The following KDM4C variants were observed in gnomAD, a reference collection of about 807,000 sequenced individuals.
KDM4C encodes lysine-specific demethylase 4C.
A neutral mutation model predicts 129.3 loss-of-function variants in KDM4C; 81 were observed. The ratio of observed to expected loss-of-function variants is 0.63; its 90% confidence interval spans 0.52 to 0.75. The LOEUF (loss-of-function observed/expected upper bound fraction) is 0.75. KDM4C is among the 30% of genes least tolerant of loss of function. The pLI, the probability that KDM4C is intolerant of heterozygous loss-of-function variation, is 0.00. For synonymous variants in KDM4C, 573 were observed against 456.1 expected, an observed-to-expected ratio of 1.26 and a Z score of -3.26; for missense variants, 1,457 against 1,304.0, an observed-to-expected ratio of 1.12 and a Z score of -1.81.
chr9:6,794,475 G>A (rs1827342693), intron 2 of KDM4C, among the ~76,000 whole-genome samples: 1 of 152,278 alleles, frequency 6.6e-6, no homozygotes, highest in Non-Finnish European at 1.5e-5. Context: ...GCTTAAAGTG[G>A]GAGAGGAAGA....
chr9:7,118,679 G>A (rs1442607429), intron 18 of KDM4C, among the ~76,000 whole-genome samples: 1 of 152,178 alleles, frequency 6.6e-6, no homozygotes, highest in Non-Finnish European at 1.5e-5. Flanking sequence ...TCTTTGGCCT[G>A]TACGTCGGCT....
chr9:7,089,611 G>A (rs138451620), intron 17 of KDM4C, among the ~76,000 whole-genome samples: 84 of 151,770 alleles, frequency 5.5e-4, no homozygotes, highest in African/African-American at 2.0e-3. Flanking sequence ...AATCATCTCT[G>A]GTTAAAAGTG....
chr9:6,897,997 G>T (rs984235622), intron 8 of KDM4C, among the ~76,000 whole-genome samples: 1 of 152,120 alleles, frequency 6.6e-6, no homozygotes, highest in Non-Finnish European at 1.5e-5. Context: ...AGCTGCTGCC[G>T]TGACACTCAC....
chr9:7,156,733 C>T, intron 19 of KDM4C, among the ~76,000 whole-genome samples: 1 of 152,150 alleles, frequency 6.6e-6, no homozygotes, highest in Non-Finnish European at 1.5e-5. Flanking sequence ...GGTACCAGTA[C>T]CATGCTGTTT....
At chr9:6,921,229 C>T (rs185332228) in intron 8 of KDM4C, among the ~76,000 whole-genome samples, 1 of 152,208 alleles carries the variant, frequency 6.6e-6, no homozygotes, top group African/African-American at 2.4e-5. Flanking sequence ...TATCTGTATG[C>T]TGATTACTAA....
chr9:6,744,289 GCTGAGACGGGCAGA>G (rs1157991272), intron 1 of KDM4C, among the ~76,000 whole-genome samples: 7 of 152,136 alleles, frequency 4.6e-5, no homozygotes, highest in South Asian at 2.1e-4. Flanking sequence ...ACTTTGGGAG[GCTGAGACGGGCAGA>G]TCACGAGGTT....
rs369073989 is a variant in KDM4C at position 6,809,181 on chromosome 9, C to T, written c.320+3407C>T. ...ATTTTATATTTGATATAATTTGAATCATTTCTTTTGAATTTTTTGGGTTGG... is the reference window on the plus strand; with the variant it reads ...ATTTTATATTTGATATAATTTGAATTATTTCTTTTGAATTTTTTGGGTTGG... On this transcript the variant is annotated intron_variant, in intron 3 of 21. Coordinates refer to ENST00000381309, the MANE Select transcript of KDM4C (RefSeq NM_015061.6). Among the ~76,000 whole-genome samples, 24 of 152,258 alleles carry T rather than the reference C, an allele frequency of 1.6e-4. No homozygotes were observed. The East Asian group carries it at 4.6e-3, about 29-fold the overall frequency.
chr9:6,870,190 A>T (rs1000137819), intron 5 of KDM4C, among the ~76,000 whole-genome samples: 1 of 152,130 alleles, frequency 6.6e-6, no homozygotes, highest in African/African-American at 2.4e-5. Context: ...CAACCACTTC[A>T]GGTAGTGGTT....
At chr9:7,034,445 G>A (rs1005231543) in intron 15 of KDM4C, among the ~76,000 whole-genome samples, 1 of 152,174 alleles carries the variant, frequency 6.6e-6, no homozygotes, top group Admixed American at 6.5e-5. Context: ...ATATGAGTGA[G>A]AATGTGCAGT....
chr9:6,855,292 G>A (rs1033670099), intron 5 of KDM4C, among the ~76,000 whole-genome samples: 1 of 151,660 alleles, frequency 6.6e-6, no homozygotes, highest in African/African-American at 2.4e-5. Flanking sequence ...AACCGCATCT[G>A]TACTAAAAAT....
At chr9:7,170,557 A>G (rs1587980653) in intron 21 of KDM4C, 1 of 957,076 alleles carries the variant, frequency 1.0e-6, no homozygotes, top group Middle Eastern at 5.4e-4. Context: ...ACAATAATTT[A>G]GACTTCATAT....
chr9:7,034,788 C>G (rs1229843996), intron 15 of KDM4C, among the ~76,000 whole-genome samples: 1 of 152,134 alleles, frequency 6.6e-6, no homozygotes, highest in East Asian at 1.9e-4. Context: ...GTTTACATTC[C>G]CACCAACAGT....
intron 10 of KDM4C, among the ~76,000 whole-genome samples, chr9:6,984,858 A>C (rs1313989465): frequency 6.6e-6 from 1 of 152,242 alleles, no homozygotes; most frequent in Non-Finnish European, 1.5e-5. Flanking sequence ...TGACATGTAT[A>C]GTCCCCTTGC....
At chr9:6,889,455 G>C (rs538065124) in intron 7 of KDM4C, among the ~76,000 whole-genome samples, 2 of 152,038 alleles carry the variant, frequency 1.3e-5, no homozygotes, top group South Asian at 2.1e-4. Context: ...GATGTGCACC[G>C]TGGGGGCTGC....
intron 17 of KDM4C, among the ~76,000 whole-genome samples, chr9:7,053,351 G>T (rs1830468834): frequency 6.6e-6 from 1 of 152,180 alleles, no homozygotes; most frequent in African/African-American, 2.4e-5. Context: ...GCGGATACAG[G>T]AAAGGATTTG....
chr9:6,958,063 G>T (rs113015735), intron 8 of KDM4C, among the ~76,000 whole-genome samples: 8 of 148,512 alleles, frequency 5.4e-5, no homozygotes, highest in African/African-American at 2.0e-4. Flanking sequence ...TAACAACTGA[G>T]GGTTTGCTTC....
At chr9:7,148,400 C>T (rs1189498750) in intron 19 of KDM4C, among the ~76,000 whole-genome samples, 1 of 152,232 alleles carries the variant, frequency 6.6e-6, no homozygotes, top group East Asian at 1.9e-4. Context: ...GCTTGCAGCT[C>T]ATGGGCTGGC....
At chr9:6,985,316 G>C (rs984730372) in intron 10 of KDM4C, among the ~76,000 whole-genome samples, 1 of 152,166 alleles carries the variant, frequency 6.6e-6, no homozygotes, top group Admixed American at 6.5e-5. Flanking sequence ...TCCTAAACTG[G>C]TCCTCAGCTG....
intron 5 of KDM4C, among the ~76,000 whole-genome samples, chr9:6,874,264 A>C (rs1191083691): frequency 2.0e-5 from 3 of 152,224 alleles, no homozygotes; most frequent in Non-Finnish European, 2.9e-5. Context: ...TCTTTAAAGC[A>C]CAACAAAGTG....
Sources: gnomAD v4.1 joint callset for allele counts (sites outside exome capture counted in the v4.1 genomes callset) on GRCh38, gnomAD v4.1.1 for gene constraint, MANE v1.5 for transcripts, NCBI Gene and HGNC (gene_info 2026-07-23, HGNC 2026-07-21) for gene names.